DDHD2: variants seen among roughly 807,000 people sequenced by gnomAD.
DDHD2 encodes triacylglycerol hydrolase DDHD2.
A neutral mutation model predicts 91.2 loss-of-function variants in DDHD2; 62 were observed. The observed-to-expected ratio is 0.68, with a 90% CI of 0.55 to 0.84. DDHD2 has a LOEUF of 0.84. Among genes scored for constraint, DDHD2 ranks in the 40% least tolerant of loss-of-function variants. The pLI, the probability that DDHD2 is intolerant of heterozygous loss-of-function variation, is 0.00. For synonymous variants in DDHD2, 271 were observed against 293.9 expected (o/e 0.92, Z 0.80); for missense variants, 740 against 846.9 (o/e 0.87, Z 1.57).
intron 8 of DDHD2, 100 bp downstream of exon 8, chr8:38,246,050 C>A: frequency 7.6e-7 from 1 of 1,324,294 alleles, no homozygotes; most frequent in South Asian, 1.2e-5. Flanking sequence ...ATTCAGAGGT[C>A]TAGAAGTGGT....
At chr8:38,266,102 G>A (rs774105294), downstream of DDHD2, 4 of 1,594,938 alleles carry the variant, frequency 2.5e-6, no homozygotes, top group Non-Finnish European at 3.4e-6. Flanking sequence ...TAAAATGAGT[G>A]AAATATGCAA....
chr8:38,262,927 A>G (rs899285109), downstream of DDHD2: 5 of 152,206 alleles, frequency 3.3e-5, no homozygotes, highest in Non-Finnish European at 7.4e-5. Context: ...CTGGTATTTT[A>G]ATTGTCATAG....
chr8:38,238,065 T>A, intron 4 of DDHD2, 24 bp from the exon 5 acceptor site: 1 of 1,565,684 alleles, frequency 6.4e-7, no homozygotes, highest in Non-Finnish European at 8.6e-7. Flanking sequence ...AATATTTTTA[T>A]TGCTCTGATC....
chr8:38,261,433 T>A lies in DDHD2; in HGVS notation c.*860T>A, dbSNP rs563528299. 1.3e-5 allele frequency: 2 copies of A among 152,308 alleles called. No homozygotes were observed. Among genetic ancestry groups the A allele is most frequent in the South Asian group, 4.1e-4 (2 of 4,820 alleles). The allele number at this position is 152,308 out of a possible 1,614,324, so 9.4% of individuals were successfully genotyped here. On this transcript the variant is annotated 3_prime_UTR_variant, in exon 18 of 18. Transcript: ENST00000397166. ...GTGTAGCCTCTACAGGCTGCTGAGG[T>A]TCTAAATAAAACCTTTTAGTGGTGC... is the stretch of plus-strand genomic sequence containing the variant.
Position 38,245,827 on chromosome 8 carries a change from A to T in DDHD2, c.934A>T (p.Ser312Cys), listed in dbSNP as rs1291561513. The T allele has an allele frequency of 6.2e-7, 1 of 1,614,214 alleles. No individual in the cohort carries two copies. The highest frequency in any genetic ancestry group is 8.5e-7 in the Non-Finnish European group (1 of 1,180,016). Residue 312 changes from serine (S) to cysteine (C), a missense_variant, in exon 8 of 18, where the codon AGT (serine) becomes TGT (cysteine). Coordinates refer to ENST00000397166, the MANE Select transcript of DDHD2 (RefSeq NM_015214.3). ...DTILDVFFYN[S>C]PTYCQTIVDT... ...AATTCTGGATGTCTTCTTCTACAAT[A>T]GTCCCACCTACTGTCAGACTATTGT...
At chr8:38,242,443 C>T in intron 7 of DDHD2, 58 bp downstream of exon 7, 1 of 1,559,662 alleles carries the variant, frequency 6.4e-7, no homozygotes, top group Non-Finnish European at 8.7e-7. Flanking sequence ...CTGATCATTG[C>T]TATGCTTGGG....
intron 3 of DDHD2, among the ~76,000 whole-genome samples, chr8:38,236,346 T>G (rs1389881247): frequency 1.3e-5 from 2 of 150,150 alleles, no homozygotes; most frequent in African/African-American, 4.9e-5. Context: ...TTTTGCTTTT[T>G]TTGTTTTTGT....
chr8:38,269,460 C>T (rs1808348115), intron 1 of DDHD2, among the ~76,000 whole-genome samples: 1 of 152,202 alleles, frequency 6.6e-6, no homozygotes, highest in Admixed American at 6.5e-5. Flanking sequence ...ATCAGCAGCT[C>T]GTCTCCACGG....
rs538255762 is a variant in DDHD2, at chr8:38,232,512, A to G, written c.-8-475A>G. On this transcript the variant is annotated intron_variant, in intron 1 of 17. Transcript: ENST00000397166. ...TCAAAAATGATTGGTTCCTAAGCGA[A>G]CAGTTTTATTTTTTGTATTTTAAGA... Among the ~76,000 whole-genome samples the G allele has an allele frequency of 3.9e-5, 6 of 152,366 alleles. No homozygotes were observed. The South Asian group carries it at 1.2e-3, about 32-fold the overall frequency.
chr8:38,253,236 A>G, intron 15 of DDHD2, 109 bp downstream of exon 15: 5 of 1,180,800 alleles, frequency 4.2e-6, no homozygotes, highest in Non-Finnish European at 5.9e-6. Flanking sequence ...CATAGTTAAT[A>G]TTGCATTCTT....
At chr8:38,235,496 C>G (rs1039876471) in intron 3 of DDHD2, among the ~76,000 whole-genome samples, 1 of 151,370 alleles carries the variant, frequency 6.6e-6, no homozygotes, top group African/African-American at 2.4e-5. Context: ...CTGAGGTGGG[C>G]GGATCACCTG....
At chr8:38,240,024 A>C (rs982178066) in intron 5 of DDHD2, among the ~76,000 whole-genome samples, 11 of 152,106 alleles carry the variant, frequency 7.2e-5, no homozygotes, top group African/African-American at 2.6e-4. Context: ...CGCCCAGCCG[A>C]GTTTTCTTTT....
intron 16 of DDHD2, among the ~76,000 whole-genome samples, chr8:38,257,291 C>CAGGCTGG (rs1034590847): frequency 6.3e-5 from 9 of 143,412 alleles, no homozygotes; most frequent in Non-Finnish European, 1.4e-4. Flanking sequence ...CTCTGTCACC[C>CAGGCTGG]AGGCTGGAGT....
chr8:38,253,599 C>A lies in DDHD2; in HGVS notation c.1935C>A (p.Val645=). ...CCTCTGTGGCAGTTAAAGAAGAAGTCCTGCCTATCAATGTGGGGATGCTGA... is the reference window on the plus strand; with the variant it reads ...CCTCTGTGGCAGTTAAAGAAGAAGTACTGCCTATCAATGTGGGGATGCTGA... ...EETSVAVKEE[V]LPINVGMLNG... is the part of the protein sequence containing the mutation. Residue 645 remains valine (V), a synonymous_variant, in exon 16 of 18, where the codon GTC becomes GTA. Coordinates refer to ENST00000397166, the MANE Select transcript of DDHD2 (RefSeq NM_015214.3). The A allele has an allele frequency of 6.2e-7, 1 of 1,614,058 alleles. No homozygotes were observed. The highest frequency in any genetic ancestry group is 8.5e-7 in the Non-Finnish European group (1 of 1,179,932).
downstream of DDHD2, chr8:38,264,379 C>T (rs1188104154): frequency 3.8e-6 from 5 of 1,325,054 alleles, no homozygotes; most frequent in East Asian, 1.0e-4. Flanking sequence ...GTGATCCACC[C>T]TCCTCAGCCT....
At chr8:38,258,176 G>A (rs1436247216) in intron 16 of DDHD2, among the ~76,000 whole-genome samples, 3 of 151,684 alleles carry the variant, frequency 2.0e-5, no homozygotes, top group Non-Finnish European at 2.9e-5. Context: ...ATAAATCTTT[G>A]ATTCAGATTC....
At chr8:38,234,940 T>C (rs1340563669) in intron 3 of DDHD2, among the ~76,000 whole-genome samples, 1 of 151,956 alleles carries the variant, frequency 6.6e-6, no homozygotes, top group Non-Finnish European at 1.5e-5. Context: ...GCTAATTTTT[T>C]TTAAGGGGCA....
At chr8:38,266,985 G>T, downstream of DDHD2, 1 of 1,266,458 alleles carries the variant, frequency 7.9e-7, no homozygotes, top group Non-Finnish European at 1.0e-6. Context: ...GAAACTCTTC[G>T]TTAAAGGTAT....
At chr8:38,270,316 TATC>T (rs1267434546) in intron 1 of DDHD2, 3 of 152,212 alleles carry the variant, frequency 2.0e-5, no homozygotes, top group Non-Finnish European at 4.4e-5. Context: ...CAAAGATCAT[TATC>T]ATAAAGAACA....
Sources: gnomAD v4.1 joint callset for allele counts (sites outside exome capture counted in the v4.1 genomes callset) on GRCh38, gnomAD v4.1.1 for gene constraint, MANE v1.5 for transcripts, NCBI Gene and HGNC (gene_info 2026-07-23, HGNC 2026-07-21) for gene names.